Variants in GALNTL6 observed in about 807,000 individuals in gnomAD.
The protein encoded by GALNTL6 is polypeptide N-acetylgalactosaminyltransferase-like 6.
A neutral mutation model predicts 73.7 loss-of-function variants in GALNTL6; 46 were observed. The observed-to-expected ratio is 0.62, with a 90% CI of 0.49 to 0.80. The LOEUF (loss-of-function observed/expected upper bound fraction) is 0.80, where lower values mean the gene tolerates loss of function less well. GALNTL6 is among the 30% of genes least tolerant of loss of function. The pLI is 0.00. For missense variants in GALNTL6, 604 were observed against 755.0 expected (o/e 0.80, Z 2.34); for synonymous variants, 259 against 263.7 (o/e 0.98, Z 0.17).
At chr4:172,531,635 C>A (rs1228799988) in intron 5 of GALNTL6, among the ~76,000 whole-genome samples, 1 of 152,166 alleles carries the variant, frequency 6.6e-6, no homozygotes, top group African/African-American at 2.4e-5. Flanking sequence ...CTGGAGTGGG[C>A]AAGAGGTTTG....
intron 5 of GALNTL6, among the ~76,000 whole-genome samples, chr4:172,554,879 A>G (rs1736088598): frequency 1.3e-5 from 2 of 152,092 alleles, no homozygotes; most frequent in Non-Finnish European, 2.9e-5. Flanking sequence ...ATCACCATAT[A>G]ATTTCTTTTG....
At chr4:172,621,536 G>A (rs144878480) in intron 5 of GALNTL6, among the ~76,000 whole-genome samples, 12 of 152,098 alleles carry the variant, frequency 7.9e-5, no homozygotes, top group African/African-American at 1.7e-4. Flanking sequence ...TTACAACCTC[G>A]TCAGTTTATG....
chr4:172,531,800 G>T (rs1466969862), intron 5 of GALNTL6, among the ~76,000 whole-genome samples: 1 of 152,158 alleles, frequency 6.6e-6, no homozygotes, highest in Non-Finnish European at 1.5e-5. Context: ...GCTGGGCAAG[G>T]GTGTGGAGGG....
At chr4:172,774,998 TAATAAA>T (rs1181321528) in intron 5 of GALNTL6, among the ~76,000 whole-genome samples, 31 of 122,644 alleles carry the variant, frequency 2.5e-4, no homozygotes, top group African/African-American at 8.5e-4. Context: ...ATAATAATAA[TAATAAA>T]ATCCAGAAGA....
intron 5 of GALNTL6, among the ~76,000 whole-genome samples, chr4:172,634,583 A>G (rs1011886437): frequency 8.5e-5 from 13 of 152,204 alleles, no homozygotes; most frequent in South Asian, 4.1e-4. Flanking sequence ...GAATGAAATT[A>G]TATAGCAAAG....
chr4:172,281,879 C>T (rs1340791332), intron 3 of GALNTL6, among the ~76,000 whole-genome samples: 1 of 151,456 alleles, frequency 6.6e-6, no homozygotes, highest in Admixed American at 6.6e-5. Flanking sequence ...TCTTTGGGGG[C>T]CATTATTAGA....
chr4:172,911,141 G>T (rs574842205), intron 8 of GALNTL6, among the ~76,000 whole-genome samples: 58 of 152,272 alleles, frequency 3.8e-4, no homozygotes, highest in African/African-American at 1.4e-3. Context: ...GCCCCCCAGG[G>T]TGTTTAACTT....
chr4:172,839,700 C>A (rs1481708545), intron 7 of GALNTL6, among the ~76,000 whole-genome samples: 1 of 152,186 alleles, frequency 6.6e-6, no homozygotes, highest in African/African-American at 2.4e-5. Context: ...AAAGTTCTAG[C>A]ATGCTTAGTC....
At chr4:172,305,134 AC>A (rs1422446552) in intron 3 of GALNTL6, among the ~76,000 whole-genome samples, 6 of 152,136 alleles carry the variant, frequency 3.9e-5, no homozygotes, top group African/African-American at 1.4e-4. Flanking sequence ...CATATAGTAG[AC>A]AATCAATAAA....
chr4:172,253,897 A>G (rs879643492), intron 3 of GALNTL6, among the ~76,000 whole-genome samples: 2 of 151,884 alleles, frequency 1.3e-5, no homozygotes, highest in Admixed American at 6.6e-5. Flanking sequence ...GAAGATGTGT[A>G]TTATTGGTGA....
At chr4:171,846,989 T>C (rs1198139807) in intron 2 of GALNTL6, among the ~76,000 whole-genome samples, 1 of 146,606 alleles carries the variant, frequency 6.8e-6, no homozygotes, top group African/African-American at 2.5e-5. Flanking sequence ...ATTATACATA[T>C]ACATATAATT....
intron 2 of GALNTL6, among the ~76,000 whole-genome samples, chr4:172,197,648 A>T (rs1449072480): frequency 6.6e-6 from 1 of 152,230 alleles, no homozygotes; most frequent in African/African-American, 2.4e-5. Context: ...ATCTACACAC[A>T]TCTAATCTTC....
At position 172,609,915 on chromosome 4, in the gene GALNTL6, A is replaced by G. The variant is rs538459249; in HGVS notation, c.554-199446A>G. Among the ~76,000 whole-genome samples the G allele has an allele frequency of 5.3e-5, 8 of 151,732 alleles. No homozygotes were observed. In the South Asian group the frequency reaches 1.7e-3, roughly 32 times the overall value. ...AGGGATTCAATTTTTTTCCTGGCTCAATCTTGGGAGGGTGAATGTGTCCAG... is the reference window on the plus strand; with the variant it reads ...AGGGATTCAATTTTTTTCCTGGCTCGATCTTGGGAGGGTGAATGTGTCCAG... On this transcript the variant is annotated intron_variant, in intron 5 of 12. Transcript: ENST00000506823.
At chr4:172,937,205 G>A (rs1171960514) in intron 9 of GALNTL6, among the ~76,000 whole-genome samples, 1 of 151,750 alleles carries the variant, frequency 6.6e-6, no homozygotes, top group Non-Finnish European at 1.5e-5. Context: ...AAATAGAAAG[G>A]TCAACCAACA....
chr4:172,315,714 G>T (rs1740519841), intron 4 of GALNTL6, among the ~76,000 whole-genome samples: 1 of 151,602 alleles, frequency 6.6e-6, no homozygotes, highest in Non-Finnish European at 1.5e-5. Flanking sequence ...ATGCAATGTT[G>T]AAAAGAATTT....
chr4:172,984,060 G>T (rs1204308600), intron 10 of GALNTL6, among the ~76,000 whole-genome samples: 3 of 152,122 alleles, frequency 2.0e-5, no homozygotes, highest in Non-Finnish European at 4.4e-5. Flanking sequence ...GGGAGATGGG[G>T]AGAAAACTAT....
At chr4:172,855,200 A>AAC (rs1256006156) in intron 7 of GALNTL6, among the ~76,000 whole-genome samples, 1 of 151,176 alleles carries the variant, frequency 6.6e-6, no homozygotes, top group African/African-American at 2.4e-5. Context: ...TGAGGTGAAA[A>AAC]AAAAAAAAAA....
intron 3 of GALNTL6, among the ~76,000 whole-genome samples, chr4:172,289,267 C>A (rs1739375394): frequency 1.3e-5 from 2 of 152,150 alleles, no homozygotes; most frequent in South Asian, 4.1e-4. Context: ...TTTGAATGCT[C>A]ATTCTCTCAT....
intron 2 of GALNTL6, among the ~76,000 whole-genome samples, chr4:171,946,133 AATAG>A (rs1231902766): frequency 1.3e-5 from 2 of 152,188 alleles, no homozygotes; most frequent in African/African-American, 4.8e-5. Context: ...TTGTAGTTCA[AATAG>A]AATTTCAGAA....
Sources: gnomAD v4.1 joint callset for allele counts (sites outside exome capture counted in the v4.1 genomes callset) on GRCh38, gnomAD v4.1.1 for gene constraint, MANE v1.5 for transcripts, NCBI Gene and HGNC (gene_info 2026-07-23, HGNC 2026-07-21) for gene names.